Variants in RCAN2 observed in about 807,000 individuals in gnomAD.
RCAN2 encodes the protein regulator of calcineurin 2, also known as calcipressin-2.
A neutral mutation model predicts 23.6 loss-of-function variants in RCAN2; 9 were observed. The observed-to-expected ratio is 0.38, with a 90% CI of 0.23 to 0.67. The LOEUF is 0.67. RCAN2 is among the 30% of genes least tolerant of loss of function. The pLI, the probability that RCAN2 is intolerant of heterozygous loss-of-function variation, is 0.51. For missense variants in RCAN2, 273 were observed against 302.3 expected (o/e 0.90, Z 0.72); for synonymous variants, 109 against 115.7 (o/e 0.94, Z 0.37).
intron 2 of RCAN2, among the ~76,000 whole-genome samples, chr6:46,402,422 T>C (rs935211260): frequency 2.6e-5 from 4 of 152,072 alleles, no homozygotes; most frequent in African/African-American, 9.7e-5. Context: ...AGCTTGGTCA[T>C]AGAAACTAGA....
chr6:46,477,263 A>G (rs1387617582), intron 1 of RCAN2, among the ~76,000 whole-genome samples: 2 of 152,230 alleles, frequency 1.3e-5, no homozygotes, highest in African/African-American at 4.8e-5. Context: ...TGAAAAACAG[A>G]AAAGCAGGGG....
At chr6:46,327,765 G>C (rs114876094) in intron 2 of RCAN2, among the ~76,000 whole-genome samples, 1 of 152,082 alleles carries the variant, frequency 6.6e-6, no homozygotes, top group East Asian at 1.9e-4. Flanking sequence ...TTTAGCATTC[G>C]TCAATTTCTA....
intron 2 of RCAN2, among the ~76,000 whole-genome samples, chr6:46,265,906 G>C (rs1414182609): frequency 1.3e-5 from 2 of 152,184 alleles, no homozygotes; most frequent in Non-Finnish European, 2.9e-5. Context: ...AGCATATGGA[G>C]AGTTGGAATT....
At chr6:46,231,457 T>C (rs913167937) in intron 4 of RCAN2, among the ~76,000 whole-genome samples, 2 of 151,674 alleles carry the variant, frequency 1.3e-5, no homozygotes, top group African/African-American at 4.9e-5. Context: ...CTGCCCAGGC[T>C]GGAGTGCAGT....
At chr6:46,300,093 G>A (rs1417442141) in intron 2 of RCAN2, among the ~76,000 whole-genome samples, 2 of 151,044 alleles carry the variant, frequency 1.3e-5, no homozygotes, top group African/African-American at 2.4e-5. Flanking sequence ...AAAAGTAAAA[G>A]CAAAATGAAA....
At chr6:46,318,088 T>TAC (rs1395825453) in intron 2 of RCAN2, among the ~76,000 whole-genome samples, 7 of 152,252 alleles carry the variant, frequency 4.6e-5, no homozygotes, top group African/African-American at 1.7e-4. Flanking sequence ...CTCTGGAGCT[T>TAC]ACATTTGTCA....
chr6:46,305,685 T>TCC (rs1254597286), intron 2 of RCAN2, among the ~76,000 whole-genome samples: 6 of 152,192 alleles, frequency 3.9e-5, no homozygotes, highest in African/African-American at 1.4e-4. Context: ...GGAAATTTAT[T>TCC]CAACAATCGA....
At position 46,395,828 on chromosome 6, in the gene RCAN2, AC is replaced by A. The variant is rs564451251; in HGVS notation, c.225+60923del. Among the ~76,000 whole-genome samples the A allele has an allele frequency of 3.3e-3, 496 of 152,188 alleles. 2 individuals carry two copies. The highest frequency in any genetic ancestry group is 0.012 in the African/African-American group (479 of 41,512). Reference sequence around the variant, plus strand: ...GTCAAATTTAATACCAACATATGAGACCTGGCCACTACGTACCTCAAAGCTG... The same window carrying A: ...GTCAAATTTAATACCAACATATGAGACTGGCCACTACGTACCTCAAAGCTG... On this transcript the variant is annotated intron_variant, in intron 2 of 4. Transcript: ENST00000371374.
intron 1 of RCAN2, among the ~76,000 whole-genome samples, chr6:46,469,287 T>C (rs1007871508): frequency 6.6e-6 from 1 of 152,174 alleles, no homozygotes; most frequent in Non-Finnish European, 1.5e-5. Flanking sequence ...TCTAGTGCCA[T>C]GTGTTGTTTA....
intron 2 of RCAN2, among the ~76,000 whole-genome samples, chr6:46,250,560 T>C (rs542288182): frequency 6.6e-6 from 1 of 152,268 alleles, no homozygotes; most frequent in Admixed American, 6.5e-5. Context: ...CCTCCATCAT[T>C]TTACGAGTCA....
chr6:46,273,403 C>A (rs527242255), intron 2 of RCAN2, among the ~76,000 whole-genome samples: 1 of 152,178 alleles, frequency 6.6e-6, no homozygotes, highest in Non-Finnish European at 1.5e-5. Flanking sequence ...TTAAAAGTTG[C>A]TTTCACATGT....
At chr6:46,345,257 G>A (rs1331707842) in intron 2 of RCAN2, among the ~76,000 whole-genome samples, 1 of 151,926 alleles carries the variant, frequency 6.6e-6, no homozygotes, top group Non-Finnish European at 1.5e-5. Flanking sequence ...ACATGAAACA[G>A]AATTTGACAG....
chr6:46,365,444 C>G (rs980199612), intron 2 of RCAN2, among the ~76,000 whole-genome samples: 1 of 151,184 alleles, frequency 6.6e-6, no homozygotes, highest in Non-Finnish European at 1.5e-5. Flanking sequence ...CCATTGCACA[C>G]TAGCCTGGGC....
intron 1 of RCAN2, among the ~76,000 whole-genome samples, chr6:46,481,865 A>G (rs572475873): frequency 3.3e-5 from 5 of 152,216 alleles, no homozygotes; most frequent in Admixed American, 2.6e-4. Flanking sequence ...GAATAACTTC[A>G]TCTCGATATT....
At chr6:46,489,224 C>T (rs1031334880) in intron 1 of RCAN2, among the ~76,000 whole-genome samples, 2 of 152,206 alleles carry the variant, frequency 1.3e-5, no homozygotes, top group Non-Finnish European at 2.9e-5. Context: ...GTAAACTCTT[C>T]TTTAAACTCT....
At chr6:46,357,674 GA>G (rs1764880169) in intron 2 of RCAN2, among the ~76,000 whole-genome samples, 1 of 152,314 alleles carries the variant, frequency 6.6e-6, no homozygotes, top group South Asian at 2.1e-4. Context: ...TAGAGGAGCA[GA>G]AGCTCAGCAG....
At chr6:46,314,057 A>G (rs1763346530) in intron 2 of RCAN2, among the ~76,000 whole-genome samples, 1 of 152,060 alleles carries the variant, frequency 6.6e-6, no homozygotes, top group African/African-American at 2.4e-5. Flanking sequence ...ATTGTTTACT[A>G]TTATGGGTAC....
At chr6:46,344,510 T>C (rs1213533238) in intron 2 of RCAN2, among the ~76,000 whole-genome samples, 27 of 149,242 alleles carry the variant, frequency 1.8e-4, no homozygotes, top group Non-Finnish European at 1.5e-5. Flanking sequence ...AAAAATGAAT[T>C]ATGAAGTTTA....
At chr6:46,391,583 G>C (rs1350470848) in intron 2 of RCAN2, among the ~76,000 whole-genome samples, 3 of 152,092 alleles carry the variant, frequency 2.0e-5, no homozygotes, top group African/African-American at 7.2e-5. Flanking sequence ...ATGTTTCTTG[G>C]GGGCTACACT....
Sources: allele counts gnomAD v4.1 joint callset (sites outside exome capture counted in the v4.1 genomes callset), GRCh38; gene constraint gnomAD v4.1.1; transcripts MANE v1.5; gene names NCBI Gene and HGNC (gene_info 2026-07-23, HGNC 2026-07-21).